The following ZNF609 variants were observed in gnomAD, a reference collection of about 807,000 sequenced individuals.
ZNF609 encodes zinc finger protein 609.
ZNF609 carries 11 observed loss-of-function variants against 109.5 expected under a neutral mutation model. The observed-to-expected ratio is 0.10, with a 90% CI of 0.06 to 0.17. The LOEUF (loss-of-function observed/expected upper bound fraction) is 0.17. Ranked by LOEUF, ZNF609 falls within the 10% of genes least tolerant of loss-of-function variation. The probability of loss-of-function intolerance (pLI) is 1.00; values close to 1 mark genes in which losing one functional copy is unlikely to be tolerated. For synonymous variants in ZNF609, 646 were observed against 662.0 expected, an observed-to-expected ratio of 0.98 and a Z score of 0.37; for missense variants, 1,559 against 1,772.4, an observed-to-expected ratio of 0.88 and a Z score of 2.16.
intron 2 of ZNF609, among the ~76,000 whole-genome samples, chr15:64,549,720 T>G (rs924267472): frequency 6.6e-6 from 1 of 152,058 alleles, no homozygotes; most frequent in African/African-American, 2.4e-5. Flanking sequence ...AAAACACAAA[T>G]AACATAAAAT....
intron 2 of ZNF609, among the ~76,000 whole-genome samples, chr15:64,568,148 C>T (rs1186555435): frequency 6.6e-6 from 1 of 152,126 alleles, no homozygotes; most frequent in Non-Finnish European, 1.5e-5. Flanking sequence ...TGACATTTCT[C>T]TCCCAAATAC....
intron 1 of ZNF609, among the ~76,000 whole-genome samples, chr15:64,481,323 T>C (rs1483065743): frequency 3.4e-5 from 5 of 149,024 alleles, no homozygotes; most frequent in Admixed American, 1.3e-4. Flanking sequence ...TTTTTTCTTT[T>C]TTTTTTTTTT....
intron 3 of ZNF609, among the ~76,000 whole-genome samples, chr15:64,630,604 C>A (rs1054314715): frequency 6.6e-6 from 1 of 151,836 alleles, no homozygotes; most frequent in Non-Finnish European, 1.5e-5. Flanking sequence ...CTGTCTCCCC[C>A]AGCTGGAGCG....
chr15:64,461,376 C>G, intron 1 of ZNF609, among the ~76,000 whole-genome samples: 1 of 152,122 alleles, frequency 6.6e-6, no homozygotes, highest in Non-Finnish European at 1.5e-5. Flanking sequence ...TACTCCTGTC[C>G]TTTTCTTCAA....
intron 3 of ZNF609, among the ~76,000 whole-genome samples, chr15:64,632,748 G>A (rs191661561): frequency 1.3e-5 from 2 of 152,160 alleles, no homozygotes; most frequent in Admixed American, 6.5e-5. Context: ...GATTACAGAC[G>A]TGAGCCACCA....
intron 1 of ZNF609, among the ~76,000 whole-genome samples, chr15:64,482,372 A>G (rs1350910528): frequency 2.0e-5 from 3 of 151,958 alleles, no homozygotes; most frequent in East Asian, 3.8e-4. Context: ...AATATTTCCT[A>G]TACGTTTTTT....
chr15:64,547,794 G>T (rs188424735), intron 2 of ZNF609, among the ~76,000 whole-genome samples: 1 of 152,086 alleles, frequency 6.6e-6, no homozygotes, highest in Non-Finnish European at 1.5e-5. Flanking sequence ...ACATTCTAGT[G>T]GGGGGAATAC....
At chr15:64,672,166 C>T (rs1391189511) in intron 4 of ZNF609, among the ~76,000 whole-genome samples, 1 of 150,376 alleles carries the variant, frequency 6.6e-6, no homozygotes, top group Non-Finnish European at 1.5e-5. Flanking sequence ...GCGCCCGCCA[C>T]CACGCCCGGC....
intron 2 of ZNF609, among the ~76,000 whole-genome samples, chr15:64,519,265 TGAGA>T (rs1893858808): frequency 6.6e-6 from 1 of 151,908 alleles, no homozygotes; most frequent in African/African-American, 2.4e-5. Context: ...ACTGGATGTG[TGAGA>T]GAGAGAACTG....
chr15:64,505,558 TG>T (rs1349290063), intron 2 of ZNF609, among the ~76,000 whole-genome samples: 1 of 152,196 alleles, frequency 6.6e-6, no homozygotes, highest in Non-Finnish European at 1.5e-5. Flanking sequence ...CTCTGCTTTT[TG>T]AGGAGCTTAC....
chr15:64,462,505 A>G (rs1297138343), intron 1 of ZNF609, among the ~76,000 whole-genome samples: 7 of 152,232 alleles, frequency 4.6e-5, no homozygotes, highest in Non-Finnish European at 1.5e-5. Flanking sequence ...GTGGTGGCTC[A>G]TGCTTGTAAT....
chr15:64,530,426 A>G (rs1378112679), intron 2 of ZNF609, among the ~76,000 whole-genome samples: 3 of 152,248 alleles, frequency 2.0e-5, no homozygotes, highest in East Asian at 3.8e-4. Context: ...AGAAGTGAAG[A>G]TTAAATGCAA....
At chr15:64,664,705 A>G (rs978955292) in intron 3 of ZNF609, among the ~76,000 whole-genome samples, 1 of 152,140 alleles carries the variant, frequency 6.6e-6, no homozygotes, top group African/African-American at 2.4e-5. Context: ...GTTTCCTTTG[A>G]CATTTAAACA....
In ZNF609 at chr15:64,675,077, T is replaced by G. The variant is rs1168590545; in HGVS notation, c.2223T>G (p.Leu741=). ...DKKKKESSKE[L]ESPLTPGKVC... ...AAAAGAAGGAATCTTCAAAGGAACTTGAAAGTCCTCTGACCCCTGGGAAGG... is the reference window on the plus strand; with the variant it reads ...AAAAGAAGGAATCTTCAAAGGAACTGGAAAGTCCTCTGACCCCTGGGAAGG... Residue 741 remains leucine, a synonymous_variant, in exon 5 of 10, where the codon CTT becomes CTG. Transcript: ENST00000326648. The G allele has an allele frequency of 9.9e-6, 16 of 1,613,986 alleles. No individual in the cohort carries two copies. The highest frequency in any genetic ancestry group is 1.3e-5 in the Non-Finnish European group (15 of 1,180,026).
At chr15:64,515,974 T>C (rs1202322698) in intron 2 of ZNF609, among the ~76,000 whole-genome samples, 1 of 150,214 alleles carries the variant, frequency 6.7e-6, no homozygotes, top group Non-Finnish European at 1.5e-5. Context: ...CAGGTAAATG[T>C]CCTCATGTCA....
At chr15:64,502,692 T>C (rs1054037914) in intron 2 of ZNF609, 5 of 152,180 alleles carry the variant, frequency 3.3e-5, no homozygotes, top group African/African-American at 1.2e-4. Flanking sequence ...GAAGAACTCA[T>C]AAAATTTGGG....
intron 1 of ZNF609, among the ~76,000 whole-genome samples, chr15:64,462,280 G>A (rs1201957572): frequency 3.3e-5 from 5 of 152,204 alleles, no homozygotes; most frequent in Non-Finnish European, 5.9e-5. Flanking sequence ...TGGCTAGCCT[G>A]TACTAAGTTG....
At position 64,685,809 on chromosome 15, in the gene ZNF609, C is replaced by G. The variant is rs1285635189; in HGVS notation, c.*4123C>G. The G allele has an allele frequency of 6.6e-6, 1 of 152,550 alleles. No individual in the cohort carries two copies. Among genetic ancestry groups the G allele is most frequent in the African/African-American group, 2.4e-5 (1 of 41,416 alleles). 9.4% of individuals were successfully genotyped at this position (152,550 alleles called of 1,614,324 possible). ...TGGATGATTCCCAGCTGGTGGACTCCTGTGGCTACCCCATCAGAACAAGGG... is the reference window on the plus strand; with the variant it reads ...TGGATGATTCCCAGCTGGTGGACTCGTGTGGCTACCCCATCAGAACAAGGG... On this transcript the variant is annotated 3_prime_UTR_variant, in exon 10 of 10. Coordinates refer to ENST00000326648, the MANE Select transcript of ZNF609 (RefSeq NM_015042.2).
At chr15:64,540,389 TTG>T (rs1894229642) in intron 2 of ZNF609, among the ~76,000 whole-genome samples, 1 of 152,122 alleles carries the variant, frequency 6.6e-6, no homozygotes, top group Non-Finnish European at 1.5e-5. Context: ...ATAGGTTTTT[TTG>T]TGTGTTTTGT....
Sources: allele counts gnomAD v4.1 joint callset (sites outside exome capture counted in the v4.1 genomes callset), GRCh38; gene constraint gnomAD v4.1.1; transcripts MANE v1.5; gene names NCBI Gene and HGNC (gene_info 2026-07-23, HGNC 2026-07-21).